The following FBXO31 variants were observed in gnomAD, a reference collection of about 807,000 sequenced individuals.
FBXO31 encodes the protein F-box protein 31.
FBXO31 carries 24 observed loss-of-function variants against 54.4 expected under a neutral mutation model. The ratio of observed to expected loss-of-function variants is 0.44; its 90% CI spans 0.32 to 0.62. The LOEUF (loss-of-function observed/expected upper bound fraction) is 0.62, where lower values mean the gene tolerates loss of function less well. Among genes scored for constraint, FBXO31 ranks in the 20% least tolerant of loss-of-function variants. The pLI is 0.05. For missense variants in FBXO31, 665 were observed against 787.1 expected, an observed-to-expected ratio of 0.84 and a Z score of 1.86; for synonymous variants, 388 against 335.6, an observed-to-expected ratio of 1.16 and a Z score of -1.71.
At position 87,361,950 on chromosome 16, in the gene FBXO31, G is replaced by A. The variant is rs535044201; in HGVS notation, c.341-1584C>T. On this transcript the variant is annotated intron_variant, in intron 1 of 8. Transcript: ENST00000311635. ...GTGGTCTACGGGTCCCCCTTAGCGGGAGGACCTGGGAAACTACATCCTAAA... is the reference window on the plus strand; with the variant it reads ...GTGGTCTACGGGTCCCCCTTAGCGGAAGGACCTGGGAAACTACATCCTAAA... 2.6e-5 allele frequency among the ~76,000 whole-genome samples: 4 copies of A among 152,368 alleles called. No individual in the cohort carries two copies. In the East Asian group the frequency reaches 5.8e-4, roughly 22 times the overall value.
chr16:87,365,579 G>T (rs1163876199), intron 1 of FBXO31, among the ~76,000 whole-genome samples: 1 of 152,232 alleles, frequency 6.6e-6, no homozygotes, highest in South Asian at 2.1e-4. Flanking sequence ...ACCCGGGATG[G>T]CTGGAGGAGC....
rs1390823680 is a variant in FBXO31 at position 87,343,690 on chromosome 16, T to G, written c.565A>C (p.Lys189Gln). 1 of 1,614,230 alleles carries G rather than the reference T, an allele frequency of 6.2e-7. No homozygotes were observed. Among genetic ancestry groups the G allele is most frequent in the East Asian group, 2.2e-5 (1 of 44,876 alleles). ...DPHVDDPMRF[K>Q]PLFRIHLMER... The stretch of plus-strand genomic sequence containing the variant: ...ATCAGGTGGATCCTGAACAGAGGCT[T>G]GAATCTCATAGGGTCATCGACGTGG... The change falls in exon 4 of 9, where the codon AAG becomes CAG. Residue 189 changes from lysine to glutamine, a missense_variant. Around this residue, in one of 4 missense-constraint regions of FBXO31, gnomAD observed 234 missense variants for 346.8 expected, o/e 0.67. Transcript: ENST00000311635.
At chr16:87,374,163 G>A (rs1397771007) in intron 1 of FBXO31, among the ~76,000 whole-genome samples, 1 of 151,664 alleles carries the variant, frequency 6.6e-6, no homozygotes, top group African/African-American at 2.4e-5. Flanking sequence ...GATTCCTCGA[G>A]CCTAGGAGGT....
Position 87,345,403 on chromosome 16 carries a change from A to G in FBXO31, c.490-1638T>C, listed in dbSNP as rs1905343196. 6.6e-6 allele frequency among the ~76,000 whole-genome samples: 1 copy of G among 152,092 alleles called. No homozygotes were observed. The highest frequency in any genetic ancestry group is 2.4e-5 in the African/African-American group (1 of 41,410). On this transcript the variant is annotated intron_variant, in intron 3 of 8. Transcript: ENST00000311635. This position sits in a 1 kb window ranked among gnomAD's most constrained non-coding sequence, Gnocchi z 4.9. ...CGGAAGCCATGCAGACTCCATGCAG[A>G]CACTGGCACCACGCAGAGCCCGCAG... is the stretch of plus-strand genomic sequence containing the variant.
At chr16:87,340,298 A>G (rs1905152365) in intron 5 of FBXO31, among the ~76,000 whole-genome samples, 1 of 152,212 alleles carries the variant, frequency 6.6e-6, no homozygotes, top group Non-Finnish European at 1.5e-5. Context: ...AAAACAAACA[A>G]AAACTATAAG....
At chr16:87,387,051 C>A (rs1907348410), upstream of FBXO31, among the ~76,000 whole-genome samples, 1 of 152,066 alleles carries the variant, frequency 6.6e-6, no homozygotes, top group African/African-American at 2.4e-5. Context: ...AGAATCCCAA[C>A]ACTTTGGGAG....
chr16:87,363,186 A>G (rs1906209591), intron 1 of FBXO31, among the ~76,000 whole-genome samples: 5 of 152,128 alleles, frequency 3.3e-5, no homozygotes, highest in Admixed American at 3.3e-4. Flanking sequence ...GGAGTTCGAG[A>G]TCAGCCTGAC....
rs761922165 is a variant in FBXO31, at chr16:87,360,326, T to C, written c.381A>G (p.Thr127=). 4 of 1,614,224 alleles carry C rather than the reference T, an allele frequency of 2.5e-6. No individual in the cohort carries two copies. Among genetic ancestry groups the C allele is most frequent in the Non-Finnish European group, 3.4e-6 (4 of 1,180,030 alleles). ...VCENLRKLEI[T]GVSCRDVYAK... ...CATAGACGTCCCGACAAGACACGCC[T>C]GTGATCTCCAGCTTCCGCAAGTTTT... Residue 127 remains threonine (T), a synonymous_variant, in exon 2 of 9, where the codon ACA becomes ACG. Transcript: ENST00000311635.
chr16:87,381,894 C>T lies in FBXO31; in HGVS notation c.340+1511G>A, dbSNP rs942559018. On this transcript the variant is annotated intron_variant, in intron 1 of 8. Transcript: ENST00000311635. Reference sequence around the variant, plus strand: ...CAAAAATTAGCCGGGCACGGTGGCACGCATCTGTAGTCCCAGCTACTTGGA... The same window carrying T: ...CAAAAATTAGCCGGGCACGGTGGCATGCATCTGTAGTCCCAGCTACTTGGA... Among the ~76,000 whole-genome samples, 28 of 152,142 alleles carry T rather than the reference C, an allele frequency of 1.8e-4. No individual in the cohort carries two copies. The East Asian group carries it at 4.8e-3, about 26-fold the overall frequency.
chr16:87,383,930 C>A (rs1907218772), upstream of FBXO31: 1 of 297,340 alleles, frequency 3.4e-6, no homozygotes, highest in Non-Finnish European at 5.8e-6. The surrounding 1 kb of genome is among the most constrained non-coding windows in gnomAD (Gnocchi z 4.9). Flanking sequence ...CCTCAGAGAC[C>A]CCGCACTGCT....
intron 1 of FBXO31, among the ~76,000 whole-genome samples, chr16:87,373,642 C>G (rs1906699952): frequency 1.3e-5 from 2 of 151,860 alleles, no homozygotes; most frequent in African/African-American, 4.8e-5. Context: ...AATCCTCCAG[C>G]CTCCCTCAGC....
At chr16:87,385,799 G>C (rs1250652216), upstream of FBXO31, among the ~76,000 whole-genome samples, 1 of 152,050 alleles carries the variant, frequency 6.6e-6, no homozygotes, top group Non-Finnish European at 1.5e-5. Flanking sequence ...ACCTGAGGTT[G>C]GGAGTTCAAG....
At chr16:87,349,380 A>G (rs1273901039) in intron 2 of FBXO31, among the ~76,000 whole-genome samples, 1 of 152,228 alleles carries the variant, frequency 6.6e-6, no homozygotes, top group Non-Finnish European at 1.5e-5. Flanking sequence ...ATTGTGGAAC[A>G]CGTTGGGGCA....
rs1905101675 is a variant in FBXO31, at chr16:87,338,601, A to T, written c.733-2337T>A. ...TCTCACAAGGACCCACGGCTGAGGG[A>T]ACCCACAACCCTGGGAACATCATCA... is the stretch of plus-strand genomic sequence containing the variant. On this transcript the variant is annotated intron_variant, in intron 5 of 8. Transcript: ENST00000311635. This position sits in a 1 kb window ranked among gnomAD's most constrained non-coding sequence, Gnocchi z 4.3. 6.6e-6 allele frequency among the ~76,000 whole-genome samples: 1 copy of T among 152,136 alleles called. No homozygotes were observed. Among genetic ancestry groups the T allele is most frequent in the South Asian group, 2.1e-4 (1 of 4,818 alleles).
chr16:87,383,308 C>A lies in FBXO31; in HGVS notation c.340+97G>T. 5.0e-6 allele frequency: 6 copies of A among 1,204,998 alleles called. No individual in the cohort carries two copies. Among genetic ancestry groups the A allele is most frequent in the Non-Finnish European group, 6.6e-6 (6 of 906,436 alleles). The allele number at this position is 1,204,998 out of a possible 1,614,324, so 74.6% of individuals were successfully genotyped here. ...GGGCCCCGCGCCCAACTGGTGGCCC[C>A]CGGCCGGGGCCACCGCCCCCGCCAC... On this transcript the variant is annotated intron_variant, in intron 1 of 8. Coordinates refer to ENST00000311635, the MANE Select transcript of FBXO31 (RefSeq NM_024735.5). This position sits in a 1 kb window ranked among gnomAD's most constrained non-coding sequence, Gnocchi z 4.9.
intron 1 of FBXO31, among the ~76,000 whole-genome samples, chr16:87,366,058 C>T (rs181685755): frequency 8.1e-4 from 123 of 152,106 alleles, no homozygotes; most frequent in African/African-American, 2.9e-3. Flanking sequence ...AAAAACAAAT[C>T]GGTCAACGTC....
chr16:87,343,087 C>A, intron 4 of FBXO31, 136 bp from the exon 5 acceptor site: 1 of 670,954 alleles, frequency 1.5e-6, no homozygotes, highest in Non-Finnish European at 2.6e-6. Flanking sequence ...CAAGATGCGA[C>A]CAACGCGGTG....
At chr16:87,386,699 G>T (rs138820844), upstream of FBXO31, among the ~76,000 whole-genome samples, 499 of 152,288 alleles carry the variant, frequency 3.3e-3, 5 homozygotes, top group African/African-American at 0.012. Context: ...ATCCCAAAGT[G>T]CTAGGATTAC....
At position 87,338,171 on chromosome 16, in the gene FBXO31, A is replaced by G. The variant is rs1288879128; in HGVS notation, c.733-1907T>C. On this transcript the variant is annotated intron_variant, in intron 5 of 8. Coordinates refer to ENST00000311635, the MANE Select transcript of FBXO31 (RefSeq NM_024735.5). This position sits in a 1 kb window ranked among gnomAD's most constrained non-coding sequence, Gnocchi z 4.3. The stretch of plus-strand genomic sequence containing the variant: ...CCACCAACCAGACCCTGTTACCCAG[A>G]ATAAGGCCGTCCCAAGCATGTTTAT... Among the ~76,000 whole-genome samples, 4 of 152,054 alleles carry G rather than the reference A, an allele frequency of 2.6e-5. No individual in the cohort carries two copies. Among genetic ancestry groups the G allele is most frequent in the Non-Finnish European group, 4.4e-5 (3 of 68,000 alleles).
Sources: allele counts gnomAD v4.1 joint callset (sites outside exome capture counted in the v4.1 genomes callset), GRCh38; gene constraint gnomAD v4.1.1; regional missense constraint gnomAD v4.1.1; non-coding constraint Gnocchi (gnomAD v3.1); transcripts MANE v1.5; gene names NCBI Gene and HGNC (gene_info 2026-07-23, HGNC 2026-07-21).